PLA2G4A: variants seen among roughly 807,000 people sequenced by gnomAD.
The protein encoded by PLA2G4A is cytosolic phospholipase A2.
A neutral mutation model predicts 81.9 loss-of-function variants in PLA2G4A; 40 were observed. The ratio of observed to expected loss-of-function variants is 0.49; its 90% confidence interval spans 0.38 to 0.64. The LOEUF (loss-of-function observed/expected upper bound fraction) is 0.64, where lower values mean the gene tolerates loss of function less well. Ranked by LOEUF, PLA2G4A falls within the 30% of genes least tolerant of loss-of-function variation. The pLI is 0.00. For synonymous variants in PLA2G4A, 302 were observed against 296.9 expected (o/e 1.02, Z -0.18); for missense variants, 715 against 905.1 (o/e 0.79, Z 2.69).
chr1:186,856,612 G>A (rs886763627), intron 2 of PLA2G4A, among the ~76,000 whole-genome samples: 18 of 151,798 alleles, frequency 1.2e-4, no homozygotes, highest in African/African-American at 4.3e-4. Flanking sequence ...GGCTGGTATT[G>A]AACTCCTGAT....
intron 3 of PLA2G4A, among the ~76,000 whole-genome samples, chr1:186,886,209 G>A (rs187643637): frequency 8.7e-4 from 132 of 152,246 alleles, no homozygotes; most frequent in South Asian, 4.6e-3. Flanking sequence ...TGGTATAGGC[G>A]TGGTATAGAT....
At chr1:186,950,871 A>T in intron 13 of PLA2G4A, 143 bp downstream of exon 13, 1 of 673,604 alleles carries the variant, frequency 1.5e-6, no homozygotes, top group South Asian at 1.6e-5. Flanking sequence ...GTTGAGAGAG[A>T]GGATTGCATG....
intron 7 of PLA2G4A, among the ~76,000 whole-genome samples, chr1:186,912,752 A>G (rs919607925): frequency 8.3e-6 from 1 of 119,956 alleles, no homozygotes; most frequent in Non-Finnish European, 1.7e-5. Flanking sequence ...ATATATATGT[A>G]TATATATACA....
At chr1:186,853,537 A>G (rs911499289) in intron 1 of PLA2G4A, among the ~76,000 whole-genome samples, 1 of 151,960 alleles carries the variant, frequency 6.6e-6, no homozygotes, top group African/African-American at 2.4e-5. Flanking sequence ...TAGATAATAA[A>G]GATATTTGAA....
chr1:186,871,698 G>T (rs1177575202), intron 3 of PLA2G4A, among the ~76,000 whole-genome samples: 2 of 152,110 alleles, frequency 1.3e-5, no homozygotes, highest in Non-Finnish European at 1.5e-5. Context: ...AGGATGATAA[G>T]CCCTGGTAAG....
At chr1:186,839,377 C>T (rs1341949019) in intron 1 of PLA2G4A, among the ~76,000 whole-genome samples, 1 of 152,172 alleles carries the variant, frequency 6.6e-6, no homozygotes, top group African/African-American at 2.4e-5. Flanking sequence ...GCACTTTATT[C>T]CTGGTCCTGT....
At chr1:186,929,428 C>A (rs1211391332) in intron 7 of PLA2G4A, among the ~76,000 whole-genome samples, 1 of 152,130 alleles carries the variant, frequency 6.6e-6, no homozygotes, top group Non-Finnish European at 1.5e-5. Context: ...TTCATAGTTA[C>A]AATTTTATAG....
At chr1:186,830,711 C>T (rs1651523966) in intron 1 of PLA2G4A, among the ~76,000 whole-genome samples, 1 of 150,174 alleles carries the variant, frequency 6.7e-6, no homozygotes, top group Non-Finnish European at 1.5e-5. Context: ...AGATTTTTAG[C>T]AACTGAAAAT....
intron 5 of PLA2G4A, 47 bp from the exon 6 acceptor site, chr1:186,906,918 C>T: frequency 1.1e-6 from 1 of 945,462 alleles, no homozygotes; most frequent in Middle Eastern, 2.4e-4. Context: ...ATGATATAAA[C>T]ACATATCTAC....
At chr1:186,839,655 T>G (rs1651907262) in intron 1 of PLA2G4A, among the ~76,000 whole-genome samples, 2 of 152,170 alleles carry the variant, frequency 1.3e-5, no homozygotes, top group African/African-American at 4.8e-5. Flanking sequence ...GACAGCACTT[T>G]CAGTTCATTT....
intron 3 of PLA2G4A, among the ~76,000 whole-genome samples, chr1:186,874,642 G>A (rs887905153): frequency 2.6e-5 from 4 of 152,058 alleles, no homozygotes; most frequent in African/African-American, 9.6e-5. Context: ...ATAAACATTA[G>A]AGCTTCCAAG....
Position 186,916,812 on chromosome 1 carries a change from G to A in PLA2G4A, c.558+5423G>A, listed in dbSNP as rs542779709. Among the ~76,000 whole-genome samples, 209 of 152,198 alleles carry A rather than the reference G, an allele frequency of 1.4e-3. 3 individuals carry two copies. Among genetic ancestry groups the A allele is most frequent in the Middle Eastern group, 3.4e-3 (1 of 294 alleles). On this transcript the variant is annotated intron_variant, in intron 7 of 17. Transcript: ENST00000367466. ...TTGTTTTAACTTGTTGCCCTACCTCGGTAACCTGATGTATACACTGAGAGC... is the reference window on the plus strand; with the variant it reads ...TTGTTTTAACTTGTTGCCCTACCTCAGTAACCTGATGTATACACTGAGAGC...
intron 1 of PLA2G4A, among the ~76,000 whole-genome samples, chr1:186,830,973 T>G (rs199591759): frequency 0.047 from 6,194 of 130,774 alleles, 155 homozygotes; most frequent in Admixed American, 0.06. Flanking sequence ...TTTCTTTCTT[T>G]CTTTCTTTCT....
intron 3 of PLA2G4A, among the ~76,000 whole-genome samples, chr1:186,886,185 TA>T (rs1203204710): frequency 1.3e-5 from 2 of 152,294 alleles, no homozygotes; most frequent in East Asian, 3.9e-4. Flanking sequence ...AAAAATATTA[TA>T]ATTAAGACAG....
chr1:186,850,556 C>G lies in PLA2G4A; in HGVS notation c.-69-3730C>G, dbSNP rs114759429. ...ACTATTGTTTCCCCAGTGCCTACTA[C>G]AGACTAGGTAGATAGTAAAGATGTA... On this transcript the variant is annotated intron_variant, in intron 1 of 17. Coordinates refer to ENST00000367466, the MANE Select transcript of PLA2G4A (RefSeq NM_024420.3). Among the ~76,000 whole-genome samples, 990 of 152,194 alleles carry G rather than the reference C, an allele frequency of 6.5e-3. 19 individuals carry two copies. The highest frequency in any genetic ancestry group is 0.023 in the African/African-American group (943 of 41,556).
rs1287876043 is a variant in PLA2G4A at position 186,962,533 on chromosome 1, T to C, written c.1580-2876T>C. 3.3e-5 allele frequency among the ~76,000 whole-genome samples: 5 copies of C among 149,510 alleles called. 1 individual carries two copies. Among genetic ancestry groups the C allele is most frequent in the Admixed American group, 6.7e-5 (1 of 14,896 alleles). ...TTATTTATTTATTTATTTATTTATTTATTTTTGAGACGGAGTCTTGCTCTG... is the reference window on the plus strand; with the variant it reads ...TTATTTATTTATTTATTTATTTATTCATTTTTGAGACGGAGTCTTGCTCTG... On this transcript the variant is annotated intron_variant, in intron 14 of 17. Coordinates refer to ENST00000367466, the MANE Select transcript of PLA2G4A (RefSeq NM_024420.3).
rs572578324 is a variant in PLA2G4A, at chr1:186,846,202, G to A, written c.-69-8084G>A. On this transcript the variant is annotated intron_variant, in intron 1 of 17. Transcript: ENST00000367466. ...TTTGCAGAAACCTAAAATATCTGCT[G>A]CTACTATTAACAGTTACAGAGAGAA... Among the ~76,000 whole-genome samples, 4 of 152,268 alleles carry A rather than the reference G, an allele frequency of 2.6e-5. No individual in the cohort carries two copies. In the South Asian group the frequency reaches 8.3e-4, roughly 32 times the overall value.
intron 7 of PLA2G4A, among the ~76,000 whole-genome samples, chr1:186,922,059 T>C (rs920432896): frequency 6.6e-6 from 1 of 152,184 alleles, no homozygotes; most frequent in Non-Finnish European, 1.5e-5. Flanking sequence ...ATAGTCTCCT[T>C]TAAATCCCTT....
intron 7 of PLA2G4A, among the ~76,000 whole-genome samples, chr1:186,931,895 A>C (rs1318316576): frequency 6.6e-6 from 1 of 152,168 alleles, no homozygotes; most frequent in Non-Finnish European, 1.5e-5. Flanking sequence ...GAGCAAAGCT[A>C]GAAACCCTAA....
Sources: allele counts gnomAD v4.1 joint callset (sites outside exome capture counted in the v4.1 genomes callset), GRCh38; gene constraint gnomAD v4.1.1; transcripts MANE v1.5; gene names NCBI Gene and HGNC (gene_info 2026-07-23, HGNC 2026-07-21).